UPF2: variants seen among roughly 807,000 people sequenced by gnomAD.
UPF2 encodes the protein UPF2 regulator of nonsense mediated mRNA decay.
UPF2 carries 17 observed loss-of-function variants against 141.4 expected under a neutral mutation model. The ratio of observed to expected loss-of-function variants is 0.12; its 90% CI spans 0.08 to 0.18. The LOEUF (loss-of-function observed/expected upper bound fraction) is 0.18, where lower values mean the gene tolerates loss of function less well. UPF2 is among the 10% of genes least tolerant of loss of function. UPF2 has a pLI of 1.00. For synonymous variants in UPF2, 540 were observed against 498.0 expected (o/e 1.08, Z -1.12); for missense variants, 1,152 against 1,515.9 (o/e 0.76, Z 3.99).
chr10:12,028,780 G>C lies in UPF2; in HGVS notation c.1110C>G (p.Asp370Glu). 1 of 1,611,376 alleles carries C rather than the reference G, an allele frequency of 6.2e-7. No individual in the cohort carries two copies. Among genetic ancestry groups the C allele is most frequent in the Non-Finnish European group, 8.5e-7 (1 of 1,179,132 alleles). ...FTSLTKHLKR[D>E]HRELQNTERQ... is the part of the protein sequence containing the mutation. The stretch of plus-strand genomic sequence containing the variant: ...TCTCAGTATTCTGGAGCTCCCTGTG[G>C]TCCCTTTTCAGGTGTTTGGTCAAAG... The change falls in exon 3 of 22, where the codon GAC becomes GAG. Residue 370 changes from aspartate to glutamate, a missense_variant. Transcript: ENST00000357604.
In UPF2 at chr10:12,031,695, G is replaced by C. The variant is rs79847821; in HGVS notation, c.366-2171C>G. On this transcript the variant is annotated intron_variant, in intron 2 of 21. Coordinates refer to ENST00000357604, the MANE Select transcript of UPF2 (RefSeq NM_015542.4). ...GGAGGCTGAGACGGGGGGATCGCTTGAGCCCAGGAGGTTGAAGCTGCAGTG... is the reference window on the plus strand; with the variant it reads ...GGAGGCTGAGACGGGGGGATCGCTTCAGCCCAGGAGGTTGAAGCTGCAGTG... Among the ~76,000 whole-genome samples, 47 of 152,180 alleles carry C rather than the reference G, an allele frequency of 3.1e-4. No homozygotes were observed. In the East Asian group the frequency reaches 7.7e-3, roughly 25 times the overall value.
rs752324440 is a variant in UPF2, at chr10:11,948,389, CTTCACT to C, written c.3148_3153del (p.Ser1050_Glu1051del). On this transcript the variant is annotated inframe_deletion, in exon 16 of 22. Transcript: ENST00000357604. ...ATCACCTCTTCTTCTGGCTCATTTACTTCACTTTCATTTCCAGATTGTTCTTCTGTT... is the reference window on the plus strand; with the variant it reads ...ATCACCTCTTCTTCTGGCTCATTTACTTCATTTCCAGATTGTTCTTCTGTT... The C allele has an allele frequency of 6.3e-7, 1 of 1,596,016 alleles. No homozygotes were observed. Among genetic ancestry groups the C allele is most frequent in the Non-Finnish European group, 8.5e-7 (1 of 1,169,706 alleles).
In UPF2 at chr10:11,997,666, A is replaced by G. The variant is rs368168115; in HGVS notation, c.1844+6T>C. 5.6e-6 allele frequency: 9 copies of G among 1,613,080 alleles called. No individual in the cohort carries two copies. Among genetic ancestry groups the G allele is most frequent in the African/African-American group, 1.3e-5 (1 of 74,876 alleles). ...CACTAATAAATTTCTCTTTCATAACACTTACCTTTGTCTAGGAACTATGAA... is the reference window on the plus strand; with the variant it reads ...CACTAATAAATTTCTCTTTCATAACGCTTACCTTTGTCTAGGAACTATGAA... On this transcript the variant is annotated splice_donor_region_variant and intron_variant, in intron 8 of 21. Coordinates refer to ENST00000357604, the MANE Select transcript of UPF2 (RefSeq NM_015542.4).
rs2131153502 is a variant in UPF2 at position 11,931,889 on chromosome 10, G to A, written c.3547-107C>T. 5.5e-6 allele frequency: 7 copies of A among 1,274,210 alleles called. No individual in the cohort carries two copies. The highest frequency in any genetic ancestry group is 7.5e-6 in the Non-Finnish European group (7 of 939,390). 78.9% of individuals were successfully genotyped at this position (1,274,210 alleles called of 1,614,324 possible). A position where few individuals can be genotyped will look rare whatever the true frequency, so the allele number is the denominator to read the frequency against. The stretch of plus-strand genomic sequence containing the variant: ...GTACAGGCTGGGCACGGTGGCTCAC[G>A]CCTGTAATCCCAGCACTTTGGGAGG... On this transcript the variant is annotated intron_variant, in intron 19 of 21. Transcript: ENST00000357604. This position sits in a 1 kb window ranked among gnomAD's most constrained non-coding sequence, Gnocchi z 5.9.
At chr10:12,024,547 T>C (rs1209753716) in intron 3 of UPF2, among the ~76,000 whole-genome samples, 1 of 151,112 alleles carries the variant, frequency 6.6e-6, no homozygotes, top group Admixed American at 6.6e-5. Context: ...GAGGCGGAGG[T>C]TGCAGCGAGC....
In UPF2 at chr10:11,980,820, G is replaced by A. The variant is rs1367623838; in HGVS notation, c.1845-1655C>T. ...GGTCAGGGAAAAAAACACATAATTCGATCTGGAAAGCTCCTCAGATGGATA... is the reference window on the plus strand; with the variant it reads ...GGTCAGGGAAAAAAACACATAATTCAATCTGGAAAGCTCCTCAGATGGATA... On this transcript the variant is annotated intron_variant, in intron 8 of 21. Transcript: ENST00000357604. The surrounding 1 kb of genome is among the most constrained non-coding windows in gnomAD (Gnocchi z 4.2). Among the ~76,000 whole-genome samples the A allele has an allele frequency of 2.6e-5, 4 of 152,106 alleles. No individual in the cohort carries two copies. Among genetic ancestry groups the A allele is most frequent in the East Asian group, 1.9e-4 (1 of 5,194 alleles).
intron 19 of UPF2, among the ~76,000 whole-genome samples, chr10:11,932,215 G>A (rs1426144268): frequency 6.6e-6 from 1 of 151,500 alleles, no homozygotes; most frequent in Non-Finnish European, 1.5e-5. Context: ...GCAACTCTAA[G>A]ATGTTTTTAT....
intron 21 of UPF2, among the ~76,000 whole-genome samples, chr10:11,922,076 G>A (rs1020150627): frequency 5.3e-5 from 8 of 152,182 alleles, no homozygotes; most frequent in Admixed American, 2.0e-4. Flanking sequence ...AGACAAAGGC[G>A]GAGACCAGGG....
Position 11,959,461 on chromosome 10 carries a change from TAGAA to T in UPF2, c.2185-109_2185-106del, listed in dbSNP as rs1833206596. On this transcript the variant is annotated intron_variant, in intron 11 of 21. Coordinates refer to ENST00000357604, the MANE Select transcript of UPF2 (RefSeq NM_015542.4). This position sits in a 1 kb window ranked among gnomAD's most constrained non-coding sequence, Gnocchi z 5.9. ...GATTTGCTATTTCAAAGTAATGGGT[TAGAA>T]AGGCAAAGAAAGGACTGGGCACTGT... 2 of 1,277,790 alleles carry T rather than the reference TAGAA, an allele frequency of 1.6e-6. No individual in the cohort carries two copies. Among genetic ancestry groups the T allele is most frequent in the Non-Finnish European group, 2.1e-6 (2 of 957,104 alleles). The allele number at this position is 1,277,790 out of a possible 1,614,324, so 79.2% of individuals were successfully genotyped here.
At chr10:11,987,894 T>C (rs534453359) in intron 8 of UPF2, among the ~76,000 whole-genome samples, 2 of 151,732 alleles carry the variant, frequency 1.3e-5, no homozygotes, top group Non-Finnish European at 2.9e-5. Flanking sequence ...AGATCAAACC[T>C]TTAAGAACTG....
intron 3 of UPF2, among the ~76,000 whole-genome samples, chr10:12,021,427 G>A (rs1267331283): frequency 6.6e-6 from 1 of 151,856 alleles, no homozygotes; most frequent in Admixed American, 6.6e-5. Flanking sequence ...TGGTCTCAGC[G>A]ACTTGGGAGG....
At chr10:11,926,426 AAGG>A (rs1832713952) in intron 21 of UPF2, among the ~76,000 whole-genome samples, 2 of 152,178 alleles carry the variant, frequency 1.3e-5, no homozygotes, top group Admixed American at 6.5e-5. Flanking sequence ...GAGAGTGCAG[AAGG>A]AGAAGAGGGC....
rs1405616917 is a variant in UPF2 at position 11,997,731 on chromosome 10, C to A, written c.1785G>T (p.Met595Ile). The part of the protein sequence containing the change: ...DKAAMDFCMN[M>I]NTKANRKKLV... Reference sequence around the variant, plus strand: ...ACTTCTTCCTGTTTGCTTTTGTGTTCATGTTCATGCAAAAATCCATTGCTG... The same window carrying A: ...ACTTCTTCCTGTTTGCTTTTGTGTTAATGTTCATGCAAAAATCCATTGCTG... The change falls in exon 8 of 22, where the codon ATG becomes ATT. Residue 595 changes from methionine (M) to isoleucine (I), a missense_variant. This residue lies in a region of UPF2 where 739 missense variants were observed against 1,032.2 expected (regional missense o/e 0.72). Coordinates refer to ENST00000357604, the MANE Select transcript of UPF2 (RefSeq NM_015542.4). The A allele has an allele frequency of 6.2e-7, 1 of 1,613,768 alleles. No individual in the cohort carries two copies. The highest frequency in any genetic ancestry group is 1.1e-5 in the South Asian group (1 of 91,070).
At chr10:12,031,691 G>A (rs947314855) in intron 2 of UPF2, among the ~76,000 whole-genome samples, 4 of 151,986 alleles carry the variant, frequency 2.6e-5, no homozygotes, top group African/African-American at 7.2e-5. Context: ...CGGGGGGATC[G>A]CTTGAGCCCA....
chr10:11,968,104 C>T (rs938148834), intron 9 of UPF2, among the ~76,000 whole-genome samples: 6 of 151,902 alleles, frequency 3.9e-5, no homozygotes, highest in Admixed American at 1.3e-4. Flanking sequence ...GCTTGAACCC[C>T]GGAGGCAGAG....
chr10:11,926,997 C>G (rs1832721240), intron 21 of UPF2, among the ~76,000 whole-genome samples: 1 of 152,222 alleles, frequency 6.6e-6, no homozygotes, highest in African/African-American at 2.4e-5. Flanking sequence ...TACATATCTC[C>G]TGCCTGGTCC....
chr10:12,001,104 G>A (rs972430580), intron 6 of UPF2, among the ~76,000 whole-genome samples: 2 of 152,150 alleles, frequency 1.3e-5, no homozygotes, highest in African/African-American at 2.4e-5. Flanking sequence ...AGAAGGGGTA[G>A]CGAGAAAAGT....
intron 8 of UPF2, among the ~76,000 whole-genome samples, chr10:11,988,216 A>G (rs1293136023): frequency 1.3e-5 from 2 of 152,256 alleles, no homozygotes; most frequent in Non-Finnish European, 2.9e-5. Flanking sequence ...GACTGGTTCC[A>G]GGAACTACTA....
intron 4 of UPF2, among the ~76,000 whole-genome samples, chr10:12,006,819 GC>G (rs1214632286): frequency 6.6e-6 from 1 of 152,166 alleles, no homozygotes; most frequent in Admixed American, 6.6e-5. Context: ...TTCATAACAA[GC>G]TTTTTGATCC....
Sources: allele counts gnomAD v4.1 joint callset (sites outside exome capture counted in the v4.1 genomes callset), GRCh38; gene constraint gnomAD v4.1.1; regional missense constraint gnomAD v4.1.1; non-coding constraint Gnocchi (gnomAD v3.1); transcripts MANE v1.5; gene names NCBI Gene and HGNC (gene_info 2026-07-23, HGNC 2026-07-21).